RPL7L1: variants seen among roughly 807,000 people sequenced by gnomAD.
RPL7L1 encodes ribosomal protein uL30-like.
Under a neutral mutation model 30.3 loss-of-function variants are expected in RPL7L1, and 20 were observed. The ratio of observed to expected loss-of-function variants is 0.66; its 90% confidence interval spans 0.46 to 0.96. RPL7L1 has a LOEUF of 0.96. Among genes scored for constraint, RPL7L1 ranks in the 40% least tolerant of loss-of-function variants. The probability of loss-of-function intolerance (pLI) is 0.00; values close to 1 mark genes in which losing one functional copy is unlikely to be tolerated. For missense variants in RPL7L1, 271 were observed against 314.9 expected, an observed-to-expected ratio of 0.86 and a Z score of 1.05; for synonymous variants, 107 against 110.1, an observed-to-expected ratio of 0.97 and a Z score of 0.18.
At position 42,883,563 on chromosome 6, in the gene RPL7L1, C is replaced by G; in HGVS notation, c.260C>G (p.Ala87Gly). 1 of 1,605,788 alleles carries G rather than the reference C, an allele frequency of 6.2e-7. No homozygotes were observed. The highest frequency in any genetic ancestry group is 8.5e-7 in the Non-Finnish European group (1 of 1,177,186). Residue 87 changes from alanine (A) to glycine (G), a missense_variant, in exon 3 of 6, where the codon GCC becomes GGC. By Grantham distance (60) the Ala-to-Gly change is moderately conservative. Transcript: ENST00000493763. Reference protein sequence around the residue: ...RLRRLEVKPHALELPDKHSLA... With the variant: ...RLRRLEVKPHGLELPDKHSLA... ...AGACGACTAGAAGTGAAACCTCATG[C>G]CTTGGAATTGCCAGATAAACATTCC...
At chr6:42,881,833 C>T (rs1408493733) in intron 2 of RPL7L1, 3 of 152,060 alleles carry the variant, frequency 2.0e-5, no homozygotes, top group Admixed American at 1.3e-4. Flanking sequence ...TCTTGGCTTA[C>T]CACAACCTCC....
At chr6:42,882,612 T>A (rs796242502) in intron 2 of RPL7L1, 135 of 111,774 alleles carry the variant, frequency 1.2e-3, no homozygotes, top group South Asian at 8.6e-3. Flanking sequence ...AAAAAAAAAA[T>A]AAGTGGGGTC....
intron 2 of RPL7L1, chr6:42,883,084 T>C (rs1766138504): frequency 6.1e-6 from 1 of 164,922 alleles, no homozygotes; most frequent in African/African-American, 2.4e-5. Flanking sequence ...GTATTTTCCA[T>C]CTGGGGTTGG....
At position 42,887,572 on chromosome 6, in the gene RPL7L1, ACT is replaced by A. The variant is rs1225552157; in HGVS notation, c.*1111_*1112del. The A allele has an allele frequency of 1.3e-5, 2 of 151,966 alleles. No individual in the cohort carries two copies. The highest frequency in any genetic ancestry group is 4.8e-5 in the African/African-American group (2 of 41,354). The allele number at this position is 151,966 out of a possible 1,614,324, so 9.4% of individuals were successfully genotyped here. On this transcript the variant is annotated 3_prime_UTR_variant, in exon 6 of 6. Coordinates refer to ENST00000493763, the MANE Select transcript of RPL7L1 (RefSeq NM_001366481.3). Reference sequence around the variant, plus strand: ...CACTCCAGCCTGGGCAACAAGCGAAACTCTGTCTCAAAAAAAAAGAAAAGACA... The same window carrying A: ...CACTCCAGCCTGGGCAACAAGCGAAACTGTCTCAAAAAAAAAGAAAAGACA...
rs747619440 is a variant in RPL7L1 at position 42,886,427 on chromosome 6, G to C, written c.731G>C (p.Gly244Ala). The C allele has an allele frequency of 1.3e-6, 2 of 1,586,276 alleles. No homozygotes were observed. The highest frequency in any genetic ancestry group is 3.3e-5 in the Admixed American group (2 of 59,804). Residue 244 changes from glycine (G) to alanine (A), a missense_variant, in exon 6 of 6, where the codon GGT (glycine) becomes GCT (alanine). By Grantham distance (60) the Gly-to-Ala change is moderately conservative. Coordinates refer to ENST00000493763, the MANE Select transcript of RPL7L1 (RefSeq NM_001366481.3). ...LKEMGTPGYR[G>A]ERINQLIRQL... ...GAGATGGGCACACCTGGCTATCGGG[G>C]TGAACGCATCAATCAGCTCATCCGT...
chr6:42,883,968 G>A (rs554561876), intron 3 of RPL7L1: 1 of 161,798 alleles, frequency 6.2e-6, no homozygotes, highest in African/African-American at 2.4e-5. Flanking sequence ...ATCATTCTAG[G>A]AACTGAAACA....
chr6:42,884,208 G>A lies in RPL7L1; in HGVS notation c.312-405G>A, dbSNP rs541857726. Among the ~76,000 whole-genome samples the A allele has an allele frequency of 5.9e-5, 9 of 152,146 alleles. No homozygotes were observed. The South Asian group carries it at 1.9e-3, about 32-fold the overall frequency. Reference sequence around the variant, plus strand: ...AACTATTGTATTAACCTTCCTCCTGGATTTCCTTGCCTCTAGTGTCATACT... The same window carrying A: ...AACTATTGTATTAACCTTCCTCCTGAATTTCCTTGCCTCTAGTGTCATACT... On this transcript the variant is annotated intron_variant, in intron 3 of 5. Coordinates refer to ENST00000493763, the MANE Select transcript of RPL7L1 (RefSeq NM_001366481.3).
rs1253804824 is a variant in RPL7L1 at position 42,888,435 on chromosome 6, G to A, written c.*1971G>A. On this transcript the variant is annotated 3_prime_UTR_variant, in exon 6 of 6. Coordinates refer to ENST00000493763, the MANE Select transcript of RPL7L1 (RefSeq NM_001366481.3). ...GGCCTCCCAAAGTGCTGGGATTACA[G>A]GCATGAGCAACTGCGCCCAGCTCTT... The A allele has an allele frequency of 6.6e-6, 1 of 152,336 alleles. No individual in the cohort carries two copies. The highest frequency in any genetic ancestry group is 1.5e-5 in the Non-Finnish European group (1 of 68,120). The allele number at this position is 152,336 out of a possible 1,614,324, so 9.4% of individuals were successfully genotyped here.
At chr6:42,882,867 C>G (rs748685512) in intron 2 of RPL7L1, 46 of 152,436 alleles carry the variant, frequency 3.0e-4, no homozygotes, top group Non-Finnish European at 5.1e-4. Context: ...GATCATATCA[C>G]TGCACTCCAG....
intron 3 of RPL7L1, 161 bp downstream of exon 3, chr6:42,883,775 TAGAC>T (rs981854048): frequency 3.8e-5 from 18 of 473,948 alleles, no homozygotes; most frequent in Middle Eastern, 1.0e-3. Context: ...TGGAAGACCT[TAGAC>T]AGATAGGCTT....
chr6:42,883,703 C>G, intron 3 of RPL7L1, 89 bp downstream of exon 3: 3 of 1,071,692 alleles, frequency 2.8e-6, no homozygotes, highest in East Asian at 5.1e-5. Flanking sequence ...TAATATGCCC[C>G]AAGCCACTCA....
chr6:42,883,328 C>G, intron 2 of RPL7L1, 123 bp from the exon 3 acceptor site: 1 of 713,322 alleles, frequency 1.4e-6, no homozygotes, highest in Non-Finnish European at 2.1e-6. Flanking sequence ...GAGAATGTTG[C>G]TTTGCTTCGC....
chr6:42,884,545 A>G, intron 3 of RPL7L1, 68 bp from the exon 4 acceptor site: 1 of 1,458,052 alleles, frequency 6.9e-7, no homozygotes, highest in South Asian at 1.2e-5. Context: ...GTGACCTCGC[A>G]TGTTGTGCTT....
intron 3 of RPL7L1, among the ~76,000 whole-genome samples, chr6:42,884,180 C>T (rs559410198): frequency 6.6e-6 from 1 of 152,280 alleles, no homozygotes; most frequent in African/African-American, 2.4e-5. Context: ...CATATTTTTC[C>T]TGAACTATTG....
chr6:42,881,683 G>T (rs1055913715), intron 2 of RPL7L1: 2 of 151,876 alleles, frequency 1.3e-5, no homozygotes, highest in Non-Finnish European at 2.9e-5. Flanking sequence ...CAATTCTCGT[G>T]CCTCAGCCAA....
chr6:42,886,329 C>G lies in RPL7L1; in HGVS notation c.633C>G (p.Ile211Met), dbSNP rs377679031. 3.5e-5 allele frequency: 57 copies of G among 1,608,742 alleles called. 1 individual carries two copies. The highest frequency in any genetic ancestry group is 4.0e-5 in the Non-Finnish European group (47 of 1,179,770). ...TCCCAGGGAAGCATTTCCAGGAGAT[C>G]TCATGGTTCTTGTGCCCTTTCCACC... is the stretch of plus-strand genomic sequence containing the variant. Reference protein sequence around the residue: ...IAFPGKHFQEISWFLCPFHLS... With the variant: ...IAFPGKHFQEMSWFLCPFHLS... Residue 211 changes from isoleucine (I) to methionine (M), a missense_variant, in exon 6 of 6, where the codon ATC becomes ATG. Transcript: ENST00000493763.
At chr6:42,883,258 C>T (rs1260483461) in intron 2 of RPL7L1, 193 bp from the exon 3 acceptor site, 5 of 433,596 alleles carry the variant, frequency 1.2e-5, no homozygotes, top group African/African-American at 1.0e-4. Context: ...CCCAATAATT[C>T]CCAAGTTTCC....
intron 1 of RPL7L1, 63 bp downstream of exon 1, chr6:42,880,014 GT>G (rs1196834335): frequency 7.3e-6 from 11 of 1,507,686 alleles, no homozygotes; most frequent in African/African-American, 1.4e-5. Context: ...CATCCACGGT[GT>G]TTATGCCTTG....
In RPL7L1 at chr6:42,886,091, C is replaced by T. The variant is rs1310290688; in HGVS notation, c.559+8C>T. On this transcript the variant is annotated splice_region_variant and intron_variant, in intron 5 of 5. Coordinates refer to ENST00000493763, the MANE Select transcript of RPL7L1 (RefSeq NM_001366481.3). ...TGATTGAGGAGCACCTGGGTGAGTG[C>T]TACAGCTTAGGGATCAGCTGGGGCA... 6.6e-7 allele frequency: 1 copy of T among 1,522,880 alleles called. No homozygotes were observed. The highest frequency in any genetic ancestry group is 2.2e-5 in the East Asian group (1 of 44,526). 94.3% of individuals were successfully genotyped at this position (1,522,880 alleles called of 1,614,324 possible). A position where few individuals can be genotyped will look rare whatever the true frequency, so the allele number is the denominator to read the frequency against.
Sources: gnomAD v4.1 joint callset for allele counts (sites outside exome capture counted in the v4.1 genomes callset) on GRCh38, gnomAD v4.1.1 for gene constraint, MANE v1.5 for transcripts, NCBI Gene and HGNC (gene_info 2026-07-23, HGNC 2026-07-21) for gene names.